The following NEK6 variants were observed in gnomAD, a reference collection of about 807,000 sequenced individuals.
NEK6 encodes NIMA related kinase 6, also known as serine/threonine-protein kinase Nek6.
A neutral mutation model predicts 43.5 loss-of-function variants in NEK6; 27 were observed. That is an observed-to-expected ratio of 0.62 (90% CI 0.46 to 0.86). NEK6 has a LOEUF of 0.86. Among genes scored for constraint, NEK6 ranks in the 40% least tolerant of loss-of-function variants. The probability of loss-of-function intolerance (pLI) is 0.00; values close to 1 mark genes in which losing one functional copy is unlikely to be tolerated. For missense variants in NEK6, 318 were observed against 414.4 expected, an observed-to-expected ratio of 0.77 and a Z score of 2.02; for synonymous variants, 167 against 164.1, an observed-to-expected ratio of 1.02 and a Z score of -0.14.
rs534681996 is a variant in NEK6, at chr9:124,292,980, C to T, written c.-29-8956C>T. On this transcript the variant is annotated intron_variant, in intron 1 of 9. Transcript: ENST00000320246. ...AGTTTGCTGGGAGGCAGCTCATTTC[C>T]GGCAGGAGGAGCAGAGCCTGCCAAG... 7.7e-5 allele frequency: 121 copies of T among 1,575,156 alleles called. 1 individual carries two copies. In the South Asian group the frequency reaches 1.1e-3, roughly 14 times the overall value.
chr9:124,344,805 G>A (rs1564664160), intron 8 of NEK6, among the ~76,000 whole-genome samples: 1 of 152,214 alleles, frequency 6.6e-6, no homozygotes, highest in Non-Finnish European at 1.5e-5. Context: ...GAGACCCAGC[G>A]AGACAGCGGA....
intron 1 of NEK6, among the ~76,000 whole-genome samples, chr9:124,300,719 C>T (rs1832925019): frequency 6.6e-6 from 1 of 152,170 alleles, no homozygotes; most frequent in Non-Finnish European, 1.5e-5. Flanking sequence ...ATACGAGTCA[C>T]ATCTTGGAGG....
intron 7 of NEK6, among the ~76,000 whole-genome samples, chr9:124,336,579 C>T (rs1417181682): frequency 6.6e-6 from 1 of 152,198 alleles, no homozygotes; most frequent in Non-Finnish European, 1.5e-5. Flanking sequence ...CCTCATGTCA[C>T]AGGCCACATC....
intron 1 of NEK6, among the ~76,000 whole-genome samples, chr9:124,299,459 C>T (rs776151741): frequency 3.3e-5 from 5 of 152,200 alleles, no homozygotes; most frequent in Non-Finnish European, 5.9e-5. Context: ...GGAAGGTGCT[C>T]GTGTTTATCT....
At chr9:124,269,027 T>C (rs996423219) in intron 1 of NEK6, among the ~76,000 whole-genome samples, 7 of 152,044 alleles carry the variant, frequency 4.6e-5, no homozygotes, top group Non-Finnish European at 8.8e-5. Context: ...GACACCTGGG[T>C]TTCTGATGTG....
intron 7 of NEK6, among the ~76,000 whole-genome samples, chr9:124,339,019 ATTTTTTTTTT>A (rs538411121): frequency 8.1e-5 from 5 of 61,784 alleles, no homozygotes; most frequent in Non-Finnish European, 1.2e-4. Flanking sequence ...CCCCATCCTG[ATTTTTTTTTT>A]TTTTTTTTTT....
chr9:124,344,707 A>G (rs1037534086), intron 8 of NEK6, among the ~76,000 whole-genome samples: 16 of 152,122 alleles, frequency 1.1e-4, no homozygotes, highest in African/African-American at 3.9e-4. Flanking sequence ...GCAATTACGG[A>G]GCTAGAGGAA....
rs943721111 is a variant in NEK6 at position 124,352,914 on chromosome 9, T to C, written c.*1967T>C. On this transcript the variant is annotated 3_prime_UTR_variant, in exon 10 of 10. Coordinates refer to ENST00000320246, the MANE Select transcript of NEK6 (RefSeq NM_014397.6). ...ACACTGTGAGAACAATCTGCCCAAC[T>C]GGACCCTCTGGAGGCGCACGATCTC... 1.3e-5 allele frequency: 2 copies of C among 152,486 alleles called. No homozygotes were observed. The highest frequency in any genetic ancestry group is 4.8e-5 in the African/African-American group (2 of 41,456). 9.4% of individuals were successfully genotyped at this position (152,486 alleles called of 1,614,324 possible). A position where few individuals can be genotyped will look rare whatever the true frequency, so the allele number is the denominator to read the frequency against.
chr9:124,301,910 G>T, intron 1 of NEK6, 26 bp from the exon 2 acceptor site: 1 of 1,535,968 alleles, frequency 6.5e-7, no homozygotes, highest in South Asian at 1.2e-5. Context: ...AAGAGAAAGT[G>T]AACAGGCCGC....
At position 124,275,183 on chromosome 9, in the gene NEK6, G is replaced by A. The variant is rs1182823496; in HGVS notation, c.-30+17098G>A. On this transcript the variant is annotated intron_variant, in intron 1 of 9. Coordinates refer to ENST00000320246, the MANE Select transcript of NEK6 (RefSeq NM_014397.6). The surrounding 1 kb of genome is among the most constrained non-coding windows in gnomAD (Gnocchi z 4.4). ...ATGAAGGCTCTGCAGCCCCCAAAGA[G>A]CCAACAGTTGGAATCCTACAGTGAA... Among the ~76,000 whole-genome samples, 1 of 152,206 alleles carries A rather than the reference G, an allele frequency of 6.6e-6. No homozygotes were observed. Among genetic ancestry groups the A allele is most frequent in the East Asian group, 1.9e-4 (1 of 5,198 alleles).
intron 8 of NEK6, 115 bp downstream of exon 8, chr9:124,339,780 C>T: frequency 1.3e-6 from 1 of 760,994 alleles, no homozygotes; most frequent in Non-Finnish European, 2.3e-6. Context: ...GTCACGTCTG[C>T]CTGAGGCATC....
intron 8 of NEK6, among the ~76,000 whole-genome samples, chr9:124,344,327 A>T (rs1462689106): frequency 6.6e-6 from 1 of 152,192 alleles, no homozygotes; most frequent in Non-Finnish European, 1.5e-5. Flanking sequence ...GGGGCCCACC[A>T]TTGAGTCCCC....
chr9:124,348,095 G>A (rs1259310429), intron 9 of NEK6, among the ~76,000 whole-genome samples: 1 of 152,200 alleles, frequency 6.6e-6, no homozygotes, highest in African/African-American at 2.4e-5. Flanking sequence ...TCCCAACTTG[G>A]TGCTCCAGTG....
rs1554853557 is a variant in NEK6, at chr9:124,326,322, C to CA, written c.406-7dup. ...GGCCTATCCCTCTGCTTGTCTCCCC[C>CA]ACTGCAGTACTTTAAGAAGCAGAAG... On this transcript the variant is annotated splice_region_variant and splice_polypyrimidine_tract_variant and intron_variant, in intron 5 of 9. Transcript: ENST00000320246. This position sits in a 1 kb window ranked among gnomAD's most constrained non-coding sequence, Gnocchi z 4.5. 10 of 1,604,590 alleles carry CA rather than the reference C, an allele frequency of 6.2e-6. No individual in the cohort carries two copies. The highest frequency in any genetic ancestry group is 8.5e-6 in the Non-Finnish European group (10 of 1,174,834).
chr9:124,339,924 A>G (rs936763226), intron 8 of NEK6, among the ~76,000 whole-genome samples: 2 of 151,990 alleles, frequency 1.3e-5, no homozygotes, highest in Non-Finnish European at 2.9e-5. Context: ...GAGGGAGCAC[A>G]GGCCAGGCAT....
At chr9:124,317,672 C>T (rs1385579446) in intron 4 of NEK6, among the ~76,000 whole-genome samples, 4 of 152,180 alleles carry the variant, frequency 2.6e-5, no homozygotes, top group African/African-American at 9.7e-5. Context: ...GCCCTTGCCC[C>T]ACTCCCGCCC....
At chr9:124,312,430 G>A in intron 2 of NEK6, 79 bp from the exon 3 acceptor site, 7 of 1,469,690 alleles carry the variant, frequency 4.8e-6, no homozygotes, top group Non-Finnish European at 6.4e-6. Flanking sequence ...TGCTGTTGGG[G>A]TGCTGGGCCT....
Position 124,351,092 on chromosome 9 carries a change from A to C in NEK6, c.*145A>C, listed in dbSNP as rs1564669828. ...CCAAAAGGCTGCCCAGCCTTACAGC[A>C]GATGCTGAAGGCAGAGCAGCTGAGG... On this transcript the variant is annotated 3_prime_UTR_variant, in exon 10 of 10. Coordinates refer to ENST00000320246, the MANE Select transcript of NEK6 (RefSeq NM_014397.6). The C allele has an allele frequency of 1.7e-6, 1 of 601,204 alleles. No individual in the cohort carries two copies. The highest frequency in any genetic ancestry group is 2.8e-5 in the East Asian group (1 of 35,356). The allele number at this position is 601,204 out of a possible 1,614,324, so 37.2% of individuals were successfully genotyped here.
intron 1 of NEK6, among the ~76,000 whole-genome samples, chr9:124,260,648 G>A (rs147210558): frequency 9.4e-4 from 143 of 152,248 alleles, no homozygotes; most frequent in African/African-American, 3.1e-3. Context: ...TGATCCGCCC[G>A]CCTTGGCCTC....
Sources: gnomAD v4.1 joint callset for allele counts (sites outside exome capture counted in the v4.1 genomes callset) on GRCh38, gnomAD v4.1.1 for gene constraint, Gnocchi (gnomAD v3.1) non-coding constraint, MANE v1.5 for transcripts, NCBI Gene and HGNC (gene_info 2026-07-23, HGNC 2026-07-21) for gene names.